The following ATP8B4 variants were observed in gnomAD, a reference collection of about 807,000 sequenced individuals.
ATP8B4 encodes probable phospholipid-transporting ATPase IM.
ATP8B4 carries 133 observed loss-of-function variants against 145.6 expected under a neutral mutation model. The observed-to-expected ratio is 0.91, with a 90% CI of 0.79 to 1.05. The LOEUF is 1.05. ATP8B4 is among the 50% of genes least tolerant of loss of function. The pLI is 0.00. For synonymous variants in ATP8B4, 507 were observed against 492.9 expected (o/e 1.03, Z -0.38); for missense variants, 1,458 against 1,425.2 (o/e 1.02, Z -0.37).
At chr15:50,037,469 A>C (rs1283652831) in intron 6 of ATP8B4, among the ~76,000 whole-genome samples, 1 of 152,218 alleles carries the variant, frequency 6.6e-6, no homozygotes, top group Non-Finnish European at 1.5e-5. Flanking sequence ...AACTCCTTTA[A>C]CTTTCACAGC....
chr15:49,987,064 A>T (rs1229515189), intron 10 of ATP8B4, among the ~76,000 whole-genome samples: 4 of 152,214 alleles, frequency 2.6e-5, no homozygotes, highest in African/African-American at 9.7e-5. Context: ...TTAAAGGCAG[A>T]TTCATACATA....
At chr15:49,874,068 C>T (rs1393194882) in intron 25 of ATP8B4, among the ~76,000 whole-genome samples, 1 of 152,202 alleles carries the variant, frequency 6.6e-6, no homozygotes, top group Non-Finnish European at 1.5e-5. Flanking sequence ...TTATTCAATA[C>T]TCAAGAAATA....
At chr15:50,077,613 A>C (rs964495584) in intron 2 of ATP8B4, among the ~76,000 whole-genome samples, 3 of 152,182 alleles carry the variant, frequency 2.0e-5, no homozygotes, top group African/African-American at 7.2e-5. Context: ...ATCTTGTCAA[A>C]ATAATTGATA....
At position 49,862,362 on chromosome 15, in the gene ATP8B4, A is replaced by T; in HGVS notation, c.3180T>A (p.His1060Gln). The T allele has an allele frequency of 6.2e-7, 1 of 1,613,484 alleles. No homozygotes were observed. The highest frequency in any genetic ancestry group is 8.5e-7 in the Non-Finnish European group (1 of 1,179,506). The change falls in exon 27 of 28, where the codon CAT becomes CAA. Residue 1060 changes from histidine to glutamine, a missense_variant. By Grantham distance (24) the His-to-Gln change is conservative (BLOSUM62 0). Coordinates refer to ENST00000284509, the MANE Select transcript of ATP8B4 (RefSeq NM_024837.4). The stretch of plus-strand genomic sequence containing the variant: ...GCCAGATGCACTTCTGGGTCAGGGA[A>T]TGTCGTGCATTACCTATCAATCATT... ...NQFPFVGNARHSLTQKCIWLV... is the reference protein window; with the variant it reads ...NQFPFVGNARQSLTQKCIWLV...
chr15:49,913,135 G>T (rs76215676), intron 20 of ATP8B4, among the ~76,000 whole-genome samples: 17,793 of 144,110 alleles, frequency 0.12, 1,869 homozygotes, highest in African/African-American at 0.28. Flanking sequence ...TTTTTTTTTT[G>T]TGTCTCAAAG....
At chr15:50,153,244 T>C (rs1245809812) in intron 1 of ATP8B4, among the ~76,000 whole-genome samples, 2 of 151,636 alleles carry the variant, frequency 1.3e-5, no homozygotes, top group Admixed American at 6.6e-5. Context: ...CAATGACAAA[T>C]CATAACAGCA....
chr15:50,131,944 C>A (rs1182717732), intron 1 of ATP8B4, among the ~76,000 whole-genome samples: 1 of 151,712 alleles, frequency 6.6e-6, no homozygotes, highest in Non-Finnish European at 1.5e-5. Flanking sequence ...GGAAATTTAA[C>A]CTGATTATAT....
chr15:50,130,604 G>A (rs528364392), intron 1 of ATP8B4, among the ~76,000 whole-genome samples: 10 of 151,766 alleles, frequency 6.6e-5, no homozygotes, highest in African/African-American at 2.2e-4. Flanking sequence ...GTGAAACCCC[G>A]TCTCTACTAA....
At chr15:49,872,263 G>C (rs1474893089) in intron 25 of ATP8B4, among the ~76,000 whole-genome samples, 1 of 152,060 alleles carries the variant, frequency 6.6e-6, no homozygotes, top group Non-Finnish European at 1.5e-5. Flanking sequence ...GTGTGATCTT[G>C]GGCAAATCCC....
intron 13 of ATP8B4, among the ~76,000 whole-genome samples, chr15:49,964,571 G>A (rs1448687080): frequency 6.6e-6 from 1 of 152,148 alleles, no homozygotes; most frequent in Non-Finnish European, 1.5e-5. Flanking sequence ...CTGAAACATT[G>A]AGTGCTTTAC....
At chr15:49,927,453 C>T (rs1374415928) in intron 16 of ATP8B4, among the ~76,000 whole-genome samples, 3 of 152,050 alleles carry the variant, frequency 2.0e-5, no homozygotes, top group African/African-American at 7.2e-5. Context: ...TGTTATCATG[C>T]AAAGACTTTT....
At chr15:49,913,066 T>C (rs1405560394) in intron 20 of ATP8B4, among the ~76,000 whole-genome samples, 1 of 151,620 alleles carries the variant, frequency 6.6e-6, no homozygotes, top group Non-Finnish European at 1.5e-5. Flanking sequence ...CGGAGGTCGA[T>C]GCTGCAGTGA....
intron 3 of ATP8B4, among the ~76,000 whole-genome samples, chr15:50,072,927 T>TCTCTCTCC (rs2053853410): frequency 2.1e-4 from 2 of 9,670 alleles, no homozygotes; most frequent in African/African-American, 8.3e-4. Context: ...CCGGCCTCTC[T>TCTCTCTCC]CTCTCTCTCT....
chr15:50,064,441 G>A (rs2053238390), intron 3 of ATP8B4, among the ~76,000 whole-genome samples: 1 of 152,062 alleles, frequency 6.6e-6, no homozygotes, highest in Non-Finnish European at 1.5e-5. Context: ...TCTGAGAACA[G>A]TCTCTCATTA....
At position 50,056,335 on chromosome 15, in the gene ATP8B4, T is replaced by C. The variant is rs1600110752; in HGVS notation, c.88-8871A>G. Among the ~76,000 whole-genome samples the C allele has an allele frequency of 3.3e-5, 5 of 152,268 alleles. No individual in the cohort carries two copies. The Middle Eastern group carries it at 0.014, about 414-fold the overall frequency. ...CCTCCCATCATCGAGTAAGTTTGTA[T>C]GTTAGTTGTGGAGAGAGAGGCAGGA... On this transcript the variant is annotated intron_variant, in intron 3 of 27. Coordinates refer to ENST00000284509, the MANE Select transcript of ATP8B4 (RefSeq NM_024837.4).
At chr15:50,149,458 G>A (rs992926858) in intron 1 of ATP8B4, among the ~76,000 whole-genome samples, 22 of 152,174 alleles carry the variant, frequency 1.4e-4, no homozygotes, top group African/African-American at 4.8e-4. Context: ...GATAATATGT[G>A]TATGTGCACT....
chr15:49,998,441 G>A (rs555403258), intron 8 of ATP8B4, among the ~76,000 whole-genome samples: 24 of 152,288 alleles, frequency 1.6e-4, no homozygotes, highest in African/African-American at 4.3e-4. Context: ...TCTAACTGGC[G>A]TGAGACGGTA....
At chr15:50,146,138 G>A (rs1025125869) in intron 1 of ATP8B4, among the ~76,000 whole-genome samples, 9 of 150,396 alleles carry the variant, frequency 6.0e-5, no homozygotes, top group African/African-American at 2.0e-4. Context: ...TCAGCATCCC[G>A]AGTAGCTGGG....
chr15:49,947,653 C>T (rs2042696111), intron 14 of ATP8B4, among the ~76,000 whole-genome samples: 1 of 151,958 alleles, frequency 6.6e-6, no homozygotes, highest in African/African-American at 2.4e-5. Flanking sequence ...CAAATGACCC[C>T]AGATAGCCAA....
Sources: allele counts gnomAD v4.1 joint callset (sites outside exome capture counted in the v4.1 genomes callset), GRCh38; gene constraint gnomAD v4.1.1; transcripts MANE v1.5; gene names NCBI Gene and HGNC (gene_info 2026-07-23, HGNC 2026-07-21).